The following ERC2 variants were observed in gnomAD, a reference collection of about 807,000 sequenced individuals.
The protein encoded by ERC2 is ELKS/RAB6-interacting/CAST family member 2, also known as ERC protein 2.
ERC2 carries 42 observed loss-of-function variants against 114.8 expected under a neutral mutation model. The observed-to-expected ratio is 0.37, with a 90% CI of 0.29 to 0.47. The LOEUF is 0.47. Ranked by LOEUF, ERC2 falls within the 20% of genes least tolerant of loss-of-function variation. ERC2 has a pLI of 0.99. For missense variants in ERC2, 939 were observed against 1,150.7 expected, an observed-to-expected ratio of 0.82 and a Z score of 2.66; for synonymous variants, 454 against 425.5, an observed-to-expected ratio of 1.07 and a Z score of -0.82.
chr3:55,733,290 C>T (rs1469903839), intron 15 of ERC2, among the ~76,000 whole-genome samples: 2 of 151,992 alleles, frequency 1.3e-5, no homozygotes, highest in South Asian at 2.1e-4. Context: ...ATCTCTGACC[C>T]CTGAGGCCAG....
intron 2 of ERC2, 126 bp from the exon 3 acceptor site, chr3:56,296,561 C>T (rs2055452872): frequency 1.0e-6 from 1 of 967,388 alleles, no homozygotes; most frequent in Admixed American, 2.9e-5. Flanking sequence ...GGAGGGCCAG[C>T]CATGAATTCC....
intron 3 of ERC2, among the ~76,000 whole-genome samples, chr3:56,210,493 C>A: frequency 6.6e-6 from 1 of 152,226 alleles, no homozygotes; most frequent in Non-Finnish European, 1.5e-5. Context: ...ATGAATAATG[C>A]ATCCACACTG....
At chr3:55,854,142 G>T (rs1334216506) in intron 14 of ERC2, among the ~76,000 whole-genome samples, 1 of 152,122 alleles carries the variant, frequency 6.6e-6, no homozygotes, top group East Asian at 1.9e-4. Context: ...GGGCATGGTG[G>T]CAGGCGCCTG....
intron 6 of ERC2, among the ~76,000 whole-genome samples, chr3:56,136,358 G>C (rs773053611): frequency 6.6e-6 from 1 of 152,024 alleles, no homozygotes. Context: ...TTTCAGGAAT[G>C]ACTCAGGAAT....
intron 8 of ERC2, among the ~76,000 whole-genome samples, chr3:56,016,731 C>T (rs2073337726): frequency 6.6e-6 from 1 of 152,044 alleles, no homozygotes; most frequent in African/African-American, 2.4e-5. Flanking sequence ...TCTAATTCCC[C>T]CATTCATCAA....
At chr3:56,286,231 T>G (rs981248936) in intron 3 of ERC2, among the ~76,000 whole-genome samples, 1 of 151,926 alleles carries the variant, frequency 6.6e-6, no homozygotes, top group Non-Finnish European at 1.5e-5. Flanking sequence ...CTGACCAACA[T>G]GGAGAAACCT....
chr3:56,039,494 T>G (rs2075003141), intron 7 of ERC2, among the ~76,000 whole-genome samples: 1 of 152,128 alleles, frequency 6.6e-6, no homozygotes, highest in Admixed American at 6.5e-5. Flanking sequence ...TAAAAGCAAC[T>G]GAAGACACAA....
At chr3:55,665,939 G>A (rs1184189804) in intron 17 of ERC2, among the ~76,000 whole-genome samples, 1 of 152,186 alleles carries the variant, frequency 6.6e-6, no homozygotes, top group African/African-American at 2.4e-5. Flanking sequence ...GGCCAAGATG[G>A]ATTTAGACTT....
At chr3:55,615,089 T>G (rs2059070254) in intron 17 of ERC2, among the ~76,000 whole-genome samples, 1 of 152,216 alleles carries the variant, frequency 6.6e-6, no homozygotes, top group African/African-American at 2.4e-5. Flanking sequence ...ATATATTATT[T>G]AGTTTTTAGG....
At chr3:56,199,048 T>C (rs2048267526) in intron 3 of ERC2, among the ~76,000 whole-genome samples, 1 of 152,208 alleles carries the variant, frequency 6.6e-6, no homozygotes, top group South Asian at 2.1e-4. Context: ...TGACAGGCAC[T>C]GTGCTAAGGA....
chr3:55,908,652 C>T (rs755179944), intron 13 of ERC2, among the ~76,000 whole-genome samples: 5 of 152,240 alleles, frequency 3.3e-5, no homozygotes, highest in Admixed American at 1.3e-4. Flanking sequence ...CTCTTTGGGA[C>T]GCAGTTTTCC....
chr3:55,875,629 C>G (rs989194785), intron 14 of ERC2, among the ~76,000 whole-genome samples: 6 of 151,982 alleles, frequency 3.9e-5, no homozygotes, highest in African/African-American at 1.5e-4. Context: ...CCCCTTAACA[C>G]ACCTCATTCC....
At chr3:55,818,956 G>A (rs556982573) in intron 14 of ERC2, among the ~76,000 whole-genome samples, 1 of 152,322 alleles carries the variant, frequency 6.6e-6, no homozygotes, top group Admixed American at 6.5e-5. Context: ...GAAGGAACAA[G>A]CTTTTACAGA....
At chr3:55,673,009 G>A (rs796584063) in intron 17 of ERC2, among the ~76,000 whole-genome samples, 63 of 152,154 alleles carry the variant, frequency 4.1e-4, no homozygotes, top group African/African-American at 1.3e-3. Context: ...CTCACACATC[G>A]TCACCTCCTT....
At chr3:55,691,343 G>A (rs2062629316) in intron 16 of ERC2, among the ~76,000 whole-genome samples, 1 of 151,802 alleles carries the variant, frequency 6.6e-6, no homozygotes, top group Admixed American at 6.6e-5. Flanking sequence ...ATGCATGCCA[G>A]GATATCCTTG....
chr3:55,549,923 C>A (rs1290241450), intron 17 of ERC2, among the ~76,000 whole-genome samples: 2 of 89,330 alleles, frequency 2.2e-5, no homozygotes, highest in African/African-American at 9.0e-5. Flanking sequence ...CCCTCCCCGA[C>A]ACACACAAGA....
intron 17 of ERC2, among the ~76,000 whole-genome samples, chr3:55,522,166 C>A (rs1169883852): frequency 6.6e-6 from 1 of 152,190 alleles, no homozygotes; most frequent in Non-Finnish European, 1.5e-5. Flanking sequence ...TTCAGAGTTT[C>A]CCCGCAACAA....
intron 15 of ERC2, among the ~76,000 whole-genome samples, chr3:55,701,988 T>C (rs754792239): frequency 5.9e-5 from 9 of 152,180 alleles, no homozygotes; most frequent in Non-Finnish European, 1.3e-4. Flanking sequence ...CAAATAATAA[T>C]TCTGCTATTG....
At chr3:56,243,278 C>G (rs917479121) in intron 3 of ERC2, among the ~76,000 whole-genome samples, 1 of 152,234 alleles carries the variant, frequency 6.6e-6, no homozygotes, top group Non-Finnish European at 1.5e-5. Context: ...GAATTAGACA[C>G]AGCCTCCACC....
Sources: allele counts gnomAD v4.1 joint callset (sites outside exome capture counted in the v4.1 genomes callset), GRCh38; gene constraint gnomAD v4.1.1; transcripts MANE v1.5; gene names NCBI Gene and HGNC (gene_info 2026-07-23, HGNC 2026-07-21).